Variants in NCALD observed in about 807,000 individuals in gnomAD.
NCALD encodes the protein neurocalcin-delta.
Under a neutral mutation model 18.6 loss-of-function variants are expected in NCALD, and 10 were observed. That is an observed-to-expected ratio of 0.54 (90% confidence interval 0.33 to 0.91). The LOEUF is 0.91. Ranked by LOEUF, NCALD falls within the 40% of genes least tolerant of loss-of-function variation. The probability of loss-of-function intolerance (pLI) is 0.03; values close to 1 mark genes in which losing one functional copy is unlikely to be tolerated. For synonymous variants in NCALD, 88 were observed against 87.4 expected (o/e 1.01, Z -0.04); for missense variants, 184 against 247.6 (o/e 0.74, Z 1.72).
intron 1 of NCALD, among the ~76,000 whole-genome samples, chr8:102,095,726 AG>A (rs1396793263): frequency 6.6e-6 from 1 of 152,218 alleles, no homozygotes; most frequent in Non-Finnish European, 1.5e-5. Context: ...TGGAAGTGAA[AG>A]GTATCTGAAG....
chr8:101,721,323 A>C (rs904318034), intron 1 of NCALD: 1 of 152,516 alleles, frequency 6.6e-6, no homozygotes, highest in East Asian at 1.9e-4. Context: ...CCCTTGAGGC[A>C]GAGTCTCCAC....
At chr8:101,786,308 C>T (rs1812225120) in intron 1 of NCALD, among the ~76,000 whole-genome samples, 1 of 152,202 alleles carries the variant, frequency 6.6e-6, no homozygotes, top group Admixed American at 6.6e-5. Flanking sequence ...TCTATGCCAG[C>T]AGCATATCTC....
At chr8:101,694,789 G>A (rs906701759) in intron 2 of NCALD, among the ~76,000 whole-genome samples, 1 of 152,130 alleles carries the variant, frequency 6.6e-6, no homozygotes, top group African/African-American at 2.4e-5. Context: ...GTAGTGCCAT[G>A]TGCCTCACTG....
chr8:101,700,723 A>G (rs1326534437), intron 2 of NCALD, among the ~76,000 whole-genome samples: 1 of 152,216 alleles, frequency 6.6e-6, no homozygotes, highest in Non-Finnish European at 1.5e-5. Flanking sequence ...AAGCTCTCAC[A>G]CTCAACGGAA....
At chr8:101,948,448 G>T (rs1819264255) in intron 2 of NCALD, among the ~76,000 whole-genome samples, 1 of 152,166 alleles carries the variant, frequency 6.6e-6, no homozygotes, top group African/African-American at 2.4e-5. Flanking sequence ...ATGAGGAGTT[G>T]GAGGTGATTT....
intron 1 of NCALD, among the ~76,000 whole-genome samples, chr8:102,087,734 C>G (rs1263320649): frequency 1.3e-5 from 2 of 152,116 alleles, no homozygotes; most frequent in African/African-American, 4.8e-5. Context: ...GACCATGGGA[C>G]ATGAGTTTTT....
chr8:102,038,058 C>T (rs1712722284), intron 1 of NCALD, among the ~76,000 whole-genome samples: 1 of 152,130 alleles, frequency 6.6e-6, no homozygotes, highest in Admixed American at 6.6e-5. Flanking sequence ...AAGCTTCACA[C>T]ACAAAATTCC....
At chr8:101,860,676 A>G (rs1449349092) in intron 4 of NCALD, among the ~76,000 whole-genome samples, 1 of 152,210 alleles carries the variant, frequency 6.6e-6, no homozygotes, top group African/African-American at 2.4e-5. Context: ...GTTTTAACCC[A>G]TAATTGTGAT....
intron 4 of NCALD, among the ~76,000 whole-genome samples, chr8:101,870,475 C>CT (rs1308867974): frequency 7.9e-5 from 12 of 151,954 alleles, no homozygotes; most frequent in Admixed American, 1.3e-4. Flanking sequence ...ACTTAATAAT[C>CT]TTTTTTTTGT....
intron 2 of NCALD, among the ~76,000 whole-genome samples, chr8:101,714,935 T>C (rs1454955887): frequency 2.0e-5 from 3 of 149,670 alleles, no homozygotes; most frequent in Non-Finnish European, 4.4e-5. Flanking sequence ...AAGCGGAGCT[T>C]GCAGTGAGCC....
chr8:101,728,881 G>C (rs1269021487), intron 1 of NCALD, among the ~76,000 whole-genome samples: 1 of 152,176 alleles, frequency 6.6e-6, no homozygotes, highest in Admixed American at 6.5e-5. Flanking sequence ...CTAATTTGGG[G>C]CATGTAATCT....
chr8:102,041,526 C>T (rs192261293), intron 1 of NCALD, among the ~76,000 whole-genome samples: 1 of 152,354 alleles, frequency 6.6e-6, no homozygotes, highest in East Asian at 1.9e-4. Flanking sequence ...GCAGACCTAA[C>T]AGAATGGCCC....
In NCALD at chr8:101,893,430, C is replaced by T. The variant is rs879358612; in HGVS notation, c.-106-6203G>A. Among the ~76,000 whole-genome samples the T allele has an allele frequency of 4.9e-3, 731 of 149,536 alleles. 1 individual carries two copies. The highest frequency in any genetic ancestry group is 9.4e-3 in the South Asian group (44 of 4,668). On this transcript the variant is annotated intron_variant, in intron 3 of 6. Transcript: ENST00000311028. ...AATCATGCCAAAATGTAAAGACCAT[C>T]GAGACTAGGAAGAAACTGCATCAAC...
chr8:101,724,065 G>A (rs377087204), intron 1 of NCALD, among the ~76,000 whole-genome samples: 3 of 152,122 alleles, frequency 2.0e-5, no homozygotes, highest in Non-Finnish European at 2.9e-5. Flanking sequence ...AAGAAATTAC[G>A]TATATGTGAC....
intron 2 of NCALD, among the ~76,000 whole-genome samples, chr8:101,979,814 T>G (rs1288566395): frequency 6.6e-6 from 1 of 152,184 alleles, no homozygotes; most frequent in African/African-American, 2.4e-5. Flanking sequence ...AAGGATGGAT[T>G]CTGCAAGCCT....
intron 2 of NCALD, among the ~76,000 whole-genome samples, chr8:101,945,537 C>T (rs1264829906): frequency 6.6e-6 from 1 of 152,134 alleles, no homozygotes. Context: ...AACTCTCCAT[C>T]TTATGGATGA....
chr8:101,844,181 A>C (rs1202555100), intron 4 of NCALD, among the ~76,000 whole-genome samples: 1 of 152,156 alleles, frequency 6.6e-6, no homozygotes, highest in Admixed American at 6.5e-5. Context: ...TCTCACTGGC[A>C]TCCCACTAGG....
intron 2 of NCALD, among the ~76,000 whole-genome samples, chr8:101,993,397 A>G (rs576970911): frequency 6.6e-6 from 1 of 152,292 alleles, no homozygotes; most frequent in South Asian, 2.1e-4. Context: ...GTCAACACAA[A>G]TACATCTGCT....
intron 1 of NCALD, among the ~76,000 whole-genome samples, chr8:101,762,819 G>A (rs931017528): frequency 1.3e-5 from 2 of 151,938 alleles, no homozygotes; most frequent in African/African-American, 2.4e-5. Context: ...TGATCCACCC[G>A]CCTTGGCCTC....
Sources: allele counts gnomAD v4.1 joint callset (sites outside exome capture counted in the v4.1 genomes callset), GRCh38; gene constraint gnomAD v4.1.1; transcripts MANE v1.5; gene names NCBI Gene and HGNC (gene_info 2026-07-23, HGNC 2026-07-21).